MAGI2: variants seen among roughly 807,000 people sequenced by gnomAD.
MAGI2 encodes the protein membrane associated guanylate kinase, WW and PDZ domain containing 2.
Under a neutral mutation model 133.3 loss-of-function variants are expected in MAGI2, and 35 were observed. That is an observed-to-expected ratio of 0.26 (90% confidence interval 0.20 to 0.35). The LOEUF (loss-of-function observed/expected upper bound fraction) is 0.35. Ranked by LOEUF, MAGI2 falls within the 10% of genes least tolerant of loss-of-function variation. MAGI2 has a pLI of 1.00. For synonymous variants in MAGI2, 729 were observed against 710.6 expected, an observed-to-expected ratio of 1.03 and a Z score of -0.41; for missense variants, 1,636 against 1,863.4, an observed-to-expected ratio of 0.88 and a Z score of 2.25.
At chr7:78,915,669 T>G (rs192459995) in intron 2 of MAGI2, among the ~76,000 whole-genome samples, 1 of 152,188 alleles carries the variant, frequency 6.6e-6, no homozygotes, top group African/African-American at 2.4e-5. Flanking sequence ...TGTTTTATTT[T>G]GTTTTACAGA....
At chr7:78,316,057 G>C (rs1202323773) in intron 9 of MAGI2, among the ~76,000 whole-genome samples, 1 of 152,154 alleles carries the variant, frequency 6.6e-6, no homozygotes, top group Non-Finnish European at 1.5e-5. Context: ...AGTCCACTGG[G>C]AAGTGTCTTA....
chr7:79,382,668 A>G (rs1403800046), intron 1 of MAGI2, among the ~76,000 whole-genome samples: 1 of 151,700 alleles, frequency 6.6e-6, no homozygotes, highest in African/African-American at 2.4e-5. Flanking sequence ...TACCTGGCAT[A>G]TGGTCACTGC....
intron 1 of MAGI2, among the ~76,000 whole-genome samples, chr7:79,084,654 A>G (rs1272613063): frequency 2.6e-5 from 4 of 151,762 alleles, no homozygotes; most frequent in African/African-American, 9.7e-5. Context: ...TGTTAGGTTT[A>G]TTTGATTTAT....
chr7:79,391,728 C>T (rs1358915816), intron 1 of MAGI2, among the ~76,000 whole-genome samples: 1 of 151,752 alleles, frequency 6.6e-6, no homozygotes, highest in Non-Finnish European at 1.5e-5. Context: ...CTTGCTCTGT[C>T]ACCCAGGCTG....
chr7:78,865,966 T>G lies in MAGI2; in HGVS notation c.418+141124A>C, dbSNP rs117070934. On this transcript the variant is annotated intron_variant, in intron 2 of 21. Coordinates refer to ENST00000354212, the MANE Select transcript of MAGI2 (RefSeq NM_012301.4). ...GACATTTTCCAGAAAACATTCAATC[T>G]GATACAATCTGAATTTAACTTTTTG... 6.1e-3 allele frequency among the ~76,000 whole-genome samples: 929 copies of G among 152,266 alleles called. 8 individuals carry two copies. Among genetic ancestry groups the G allele is most frequent in the South Asian group, 0.017 (81 of 4,826 alleles).
chr7:79,420,256 C>A (rs1846854625), intron 1 of MAGI2, among the ~76,000 whole-genome samples: 1 of 151,978 alleles, frequency 6.6e-6, no homozygotes, highest in Non-Finnish European at 1.5e-5. Context: ...GCAACTGTCT[C>A]TACCTTTTTC....
In MAGI2 at chr7:78,663,202, CTTT is replaced by C. The variant is rs35544274; in HGVS notation, c.419-35966_419-35964del. On this transcript the variant is annotated intron_variant, in intron 2 of 21. Transcript: ENST00000354212. ...AGCCAAGATTTTATTTGTACCAACT[CTTT>C]TTTTTTTTTTTTTTTTTTCCAGACA... Among the ~76,000 whole-genome samples, 771 of 109,206 alleles carry C rather than the reference CTTT, an allele frequency of 7.1e-3. 11 individuals carry two copies. The highest frequency in any genetic ancestry group is 0.024 in the African/African-American group (712 of 29,416). The allele number at this position is 109,206 out of a possible 152,430, so 71.6% of individuals were successfully genotyped here.
chr7:78,389,025 A>G (rs998658797), intron 6 of MAGI2, among the ~76,000 whole-genome samples: 12 of 152,230 alleles, frequency 7.9e-5, no homozygotes, highest in Non-Finnish European at 1.2e-4. Flanking sequence ...CTCAGAGATA[A>G]TACTTGAAAG....
intron 3 of MAGI2, among the ~76,000 whole-genome samples, chr7:78,588,072 A>T (rs1803604881): frequency 6.6e-6 from 1 of 152,210 alleles, no homozygotes; most frequent in Admixed American, 6.5e-5. Context: ...AAAGTAAAGT[A>T]GGGAATACAA....
At chr7:79,180,734 A>G (rs1227676690) in intron 1 of MAGI2, among the ~76,000 whole-genome samples, 1 of 152,000 alleles carries the variant, frequency 6.6e-6, no homozygotes, top group Non-Finnish European at 1.5e-5. Context: ...AAAAGTCCAT[A>G]GTCCAAAGTC....
intron 2 of MAGI2, among the ~76,000 whole-genome samples, chr7:78,826,666 G>A (rs894375183): frequency 6.6e-6 from 1 of 152,146 alleles, no homozygotes; most frequent in Non-Finnish European, 1.5e-5. Flanking sequence ...TTAAAAAATT[G>A]TTTAGGAGGT....
intron 10 of MAGI2, among the ~76,000 whole-genome samples, chr7:78,228,543 A>G (rs1789641095): frequency 6.6e-6 from 1 of 152,226 alleles, no homozygotes; most frequent in Non-Finnish European, 1.5e-5. Flanking sequence ...ACAACCCAAG[A>G]GGGGCAACAT....
intron 1 of MAGI2, among the ~76,000 whole-genome samples, chr7:79,016,004 G>GGGC (rs1808683597): frequency 8.8e-6 from 1 of 113,980 alleles, no homozygotes; most frequent in South Asian, 3.8e-4. Context: ...GAAGCGGGGG[G>GGGC]GGGGGGTGGG....
intron 1 of MAGI2, among the ~76,000 whole-genome samples, chr7:79,447,961 ATACT>A (rs1336650967): frequency 6.6e-6 from 1 of 151,888 alleles, no homozygotes; most frequent in African/African-American, 2.4e-5. Context: ...CAACAGCATG[ATACT>A]TACTCTTAAC....
chr7:78,617,811 T>C (rs1188457145), intron 3 of MAGI2: 8 of 152,026 alleles, frequency 5.3e-5, no homozygotes, highest in Admixed American at 4.6e-4. Context: ...TGGATATCAA[T>C]GATTTAAATA....
intron 1 of MAGI2, among the ~76,000 whole-genome samples, chr7:79,016,779 AC>A (rs1311969732): frequency 2.6e-5 from 4 of 152,126 alleles, no homozygotes; most frequent in Admixed American, 2.6e-4. Context: ...CCCCACACCC[AC>A]CTGCACCCCA....
chr7:78,440,387 T>C (rs991172541), intron 6 of MAGI2, among the ~76,000 whole-genome samples: 1 of 152,120 alleles, frequency 6.6e-6, no homozygotes, highest in Non-Finnish European at 1.5e-5. Context: ...TGTTACACTG[T>C]AGTAATTCCT....
intron 2 of MAGI2, among the ~76,000 whole-genome samples, chr7:78,980,638 G>C (rs1804699013): frequency 6.6e-6 from 1 of 151,778 alleles, no homozygotes; most frequent in African/African-American, 2.4e-5. Context: ...TATTATTGTT[G>C]TTACTGTTGT....
intron 16 of MAGI2, among the ~76,000 whole-genome samples, chr7:78,142,268 T>G (rs1822839010): frequency 6.6e-6 from 1 of 152,210 alleles, no homozygotes; most frequent in Non-Finnish European, 1.5e-5. Context: ...CTGCAAATTA[T>G]GTAGTTGGTC....
Sources: allele counts gnomAD v4.1 joint callset (sites outside exome capture counted in the v4.1 genomes callset), GRCh38; gene constraint gnomAD v4.1.1; transcripts MANE v1.5; gene names NCBI Gene and HGNC (gene_info 2026-07-23, HGNC 2026-07-21).